ADAM32: variants seen among roughly 807,000 people sequenced by gnomAD.
ADAM32 encodes the protein ADAM metallopeptidase domain 32, also known as disintegrin and metalloproteinase domain-containing protein 32.
A neutral mutation model predicts 114.9 loss-of-function variants in ADAM32; 89 were observed. That is an observed-to-expected ratio of 0.77 (90% CI 0.65 to 0.92). The LOEUF is 0.92. Ranked by LOEUF, ADAM32 falls within the 40% of genes least tolerant of loss-of-function variation. The pLI, the probability that ADAM32 is intolerant of heterozygous loss-of-function variation, is 0.00. For missense variants in ADAM32, 870 were observed against 932.8 expected (o/e 0.93, Z 0.88); for synonymous variants, 285 against 307.5 (o/e 0.93, Z 0.77).
chr8:39,270,314 A>G (rs1038384614), intron 19 of ADAM32, among the ~76,000 whole-genome samples: 3 of 152,006 alleles, frequency 2.0e-5, no homozygotes, highest in Non-Finnish European at 4.4e-5. Flanking sequence ...TTCTTGATGC[A>G]TTTTTCTCTC....
intron 11 of ADAM32, among the ~76,000 whole-genome samples, chr8:39,190,648 T>A (rs895920105): frequency 6.6e-6 from 1 of 152,234 alleles, no homozygotes; most frequent in Non-Finnish European, 1.5e-5. Context: ...TGATTACTGA[T>A]GCTGAATATT....
chr8:39,135,214 A>G (rs1588493532), intron 2 of ADAM32, among the ~76,000 whole-genome samples: 1 of 152,226 alleles, frequency 6.6e-6, no homozygotes, highest in African/African-American at 2.4e-5. Context: ...TTCAGTTATC[A>G]CATTCAGATC....
Position 39,283,592 on chromosome 8 carries a change from A to G in ADAM32, c.2325A>G (p.Lys775=), listed in dbSNP as rs1390659922. ...DSAEAYTSRS[K]SQDSTQTQSS... ...TATTTCCTTATTTCCTTAGATCCAAATCACAGGACAGTACCCAAACACAAA... is the reference window on the plus strand; with the variant it reads ...TATTTCCTTATTTCCTTAGATCCAAGTCACAGGACAGTACCCAAACACAAA... Residue 775 remains lysine, a synonymous_variant, in exon 24 of 25, where the codon AAA becomes AAG. Coordinates refer to ENST00000379907, the MANE Select transcript of ADAM32 (RefSeq NM_145004.7). 5.0e-6 allele frequency: 8 copies of G among 1,598,900 alleles called. No homozygotes were observed. The highest frequency in any genetic ancestry group is 6.8e-6 in the Non-Finnish European group (8 of 1,170,512).
intron 2 of ADAM32, among the ~76,000 whole-genome samples, chr8:39,135,597 T>C (rs1041945986): frequency 6.6e-6 from 1 of 152,186 alleles, no homozygotes; most frequent in Non-Finnish European, 1.5e-5. Flanking sequence ...GGATTTCAAC[T>C]AGTTTGTCTT....
chr8:39,283,129 T>C (rs1014608448), intron 23 of ADAM32, among the ~76,000 whole-genome samples: 1 of 152,098 alleles, frequency 6.6e-6, no homozygotes, highest in Non-Finnish European at 1.5e-5. Flanking sequence ...CTGGGTGTGG[T>C]GGCTCACATT....
At chr8:39,216,912 T>TGTTATAATAATAAAGC (rs1808608793) in intron 12 of ADAM32, among the ~76,000 whole-genome samples, 1 of 151,924 alleles carries the variant, frequency 6.6e-6, no homozygotes, top group Non-Finnish European at 1.5e-5. Context: ...AATAATAAAG[T>TGTTATAATAATAAAGC]GTTTTTCTTT....
chr8:39,143,331 C>A (rs1207432418), intron 3 of ADAM32, among the ~76,000 whole-genome samples: 1 of 152,132 alleles, frequency 6.6e-6, no homozygotes, highest in African/African-American at 2.4e-5. Flanking sequence ...CTGGTTTCTC[C>A]CCATCTTTGT....
chr8:39,199,857 T>C (rs1232700200), intron 11 of ADAM32, among the ~76,000 whole-genome samples: 1 of 149,292 alleles, frequency 6.7e-6, no homozygotes, highest in Non-Finnish European at 1.5e-5. Flanking sequence ...CACCTATGAG[T>C]GAGAACATGC....
intron 20 of ADAM32, among the ~76,000 whole-genome samples, chr8:39,273,312 C>G (rs1164220303): frequency 6.6e-6 from 1 of 151,644 alleles, no homozygotes; most frequent in Non-Finnish European, 1.5e-5. Flanking sequence ...TCGAAACTAG[C>G]CTAGCCAACA....
In ADAM32 at chr8:39,245,700, T is replaced by A. The variant is rs116601854; in HGVS notation, c.1819-383T>A. ...GCCTCTAGAACTGTTAGAAAATAAG[T>A]CACTGTTGTTGAGGCCACTTAAGCT... On this transcript the variant is annotated intron_variant, in intron 16 of 24. Transcript: ENST00000379907. Among the ~76,000 whole-genome samples the A allele has an allele frequency of 3.1e-3, 475 of 152,248 alleles. 3 individuals carry two copies. The highest frequency in any genetic ancestry group is 0.011 in the African/African-American group (458 of 41,540).
At chr8:39,195,759 T>C (rs1806942145) in intron 11 of ADAM32, among the ~76,000 whole-genome samples, 1 of 152,186 alleles carries the variant, frequency 6.6e-6, no homozygotes, top group South Asian at 2.1e-4. Flanking sequence ...CATTGCTCTG[T>C]TTGTCTGTTT....
intron 11 of ADAM32, among the ~76,000 whole-genome samples, chr8:39,204,479 C>T (rs980185599): frequency 1.3e-5 from 2 of 152,184 alleles, no homozygotes; most frequent in Non-Finnish European, 2.9e-5. Flanking sequence ...TTTTCAGCTC[C>T]ATCAGGTCAT....
chr8:39,190,746 G>A (rs1018539681), intron 11 of ADAM32, among the ~76,000 whole-genome samples: 1 of 152,158 alleles, frequency 6.6e-6, no homozygotes, highest in African/African-American at 2.4e-5. Context: ...ACTTTTAAGT[G>A]AGATTTACTT....
chr8:39,122,783 A>G (rs1030262203), intron 2 of ADAM32, among the ~76,000 whole-genome samples: 4 of 152,118 alleles, frequency 2.6e-5, no homozygotes, highest in African/African-American at 7.2e-5. Context: ...TGGCCAGGCT[A>G]GTCTTGAACT....
At chr8:39,261,479 C>T (rs954289642) in intron 19 of ADAM32, among the ~76,000 whole-genome samples, 5 of 152,100 alleles carry the variant, frequency 3.3e-5, no homozygotes, top group African/African-American at 4.8e-5. Context: ...AGGTTGATTC[C>T]GTATCTTGAC....
At chr8:39,118,781 A>G (rs1031595809) in intron 2 of ADAM32, among the ~76,000 whole-genome samples, 1 of 152,212 alleles carries the variant, frequency 6.6e-6, no homozygotes, top group African/African-American at 2.4e-5. Context: ...AACACCATAG[A>G]GTTCACCCAT....
intron 2 of ADAM32, among the ~76,000 whole-genome samples, chr8:39,135,186 G>T (rs571301642): frequency 3.9e-5 from 6 of 152,116 alleles, no homozygotes; most frequent in Non-Finnish European, 8.8e-5. Flanking sequence ...AAACGATAAA[G>T]ATGCTCAAGC....
At chr8:39,200,768 C>A (rs994457386) in intron 11 of ADAM32, among the ~76,000 whole-genome samples, 4 of 152,132 alleles carry the variant, frequency 2.6e-5, no homozygotes, top group African/African-American at 7.2e-5. Context: ...TCTAACATTT[C>A]AGTCTTTAAT....
At chr8:39,134,640 A>G (rs1246723106) in intron 2 of ADAM32, among the ~76,000 whole-genome samples, 3 of 152,150 alleles carry the variant, frequency 2.0e-5, no homozygotes, top group African/African-American at 7.2e-5. Flanking sequence ...TGTTTAGTAA[A>G]TTATCTCATG....
Sources: gnomAD v4.1 joint callset for allele counts (sites outside exome capture counted in the v4.1 genomes callset) on GRCh38, gnomAD v4.1.1 for gene constraint, MANE v1.5 for transcripts, NCBI Gene and HGNC (gene_info 2026-07-23, HGNC 2026-07-21) for gene names.